ZNF804A: variants seen among roughly 807,000 people sequenced by gnomAD.
ZNF804A encodes zinc finger protein 804A.
Under a neutral mutation model 16.5 loss-of-function variants are expected in ZNF804A, and 2 were observed. The ratio of observed to expected loss-of-function variants is 0.12; its 90% CI spans 0.05 to 0.38. The LOEUF is 0.38. Among genes scored for constraint, ZNF804A ranks in the 10% least tolerant of loss-of-function variants. ZNF804A has a pLI of 0.99. For missense variants in ZNF804A, 1,473 were observed against 1,390.7 expected (o/e 1.06, Z -0.94); for synonymous variants, 534 against 489.6 (o/e 1.09, Z -1.20).
At chr2:184,719,776 C>G (rs955879784) in intron 1 of ZNF804A, among the ~76,000 whole-genome samples, 2 of 152,144 alleles carry the variant, frequency 1.3e-5, no homozygotes, top group African/African-American at 4.8e-5. Context: ...GCACTTTGGT[C>G]AAAGCCATTG....
chr2:184,921,288 C>A (rs1346369833), intron 2 of ZNF804A, among the ~76,000 whole-genome samples: 5 of 152,050 alleles, frequency 3.3e-5, no homozygotes, highest in Admixed American at 3.3e-4. Flanking sequence ...AAGTATTTGG[C>A]CAGGTCTCAA....
intron 1 of ZNF804A, among the ~76,000 whole-genome samples, chr2:184,629,918 G>A (rs1209315719): frequency 6.6e-6 from 1 of 152,094 alleles, no homozygotes; most frequent in Non-Finnish European, 1.5e-5. Flanking sequence ...TTAGAGGCTT[G>A]CAAGGTGAAA....
At position 184,936,183 on chromosome 2, in the gene ZNF804A, T is replaced by C; in HGVS notation, c.787T>C (p.Ser263Pro). ...CAGTGCTTGTCATCTTCAACAATCT[T>C]CACCAACAGATGTGCTTTTGAGTTC... ...VPSACHLQQSSPTDVLLSSEE... is the reference protein window; with the variant it reads ...VPSACHLQQSPPTDVLLSSEE... The change falls in exon 4 of 4, where the codon TCA (serine) becomes CCA (proline). Residue 263 changes from serine to proline, a missense_variant. Ser to Pro is a moderately conservative substitution (Grantham distance 74). Coordinates refer to ENST00000302277, the MANE Select transcript of ZNF804A (RefSeq NM_194250.2). 1.2e-6 allele frequency: 2 copies of C among 1,614,056 alleles called. No homozygotes were observed. Among genetic ancestry groups the C allele is most frequent in the Non-Finnish European group, 1.7e-6 (2 of 1,179,948 alleles).
intron 1 of ZNF804A, among the ~76,000 whole-genome samples, chr2:184,745,602 A>G (rs962462966): frequency 2.6e-5 from 4 of 151,666 alleles, no homozygotes; most frequent in Admixed American, 1.3e-4. Flanking sequence ...ATGTTCTTCA[A>G]TCAAATGTAC....
chr2:184,789,500 A>C (rs1053872301), intron 1 of ZNF804A, among the ~76,000 whole-genome samples: 1 of 151,618 alleles, frequency 6.6e-6, no homozygotes, highest in Non-Finnish European at 1.5e-5. Flanking sequence ...TTTAGGACTC[A>C]TTCAATTTCA....
At chr2:184,744,542 C>T (rs1693758935) in intron 1 of ZNF804A, among the ~76,000 whole-genome samples, 1 of 151,834 alleles carries the variant, frequency 6.6e-6, no homozygotes, top group African/African-American at 2.4e-5. Flanking sequence ...AAAGCAGGCC[C>T]TCACCAAAGT....
At chr2:184,722,132 A>G (rs913694694) in intron 1 of ZNF804A, among the ~76,000 whole-genome samples, 3 of 151,966 alleles carry the variant, frequency 2.0e-5, no homozygotes, top group Non-Finnish European at 4.4e-5. Flanking sequence ...AAGAAACATC[A>G]TTTTGACGTA....
intron 1 of ZNF804A, among the ~76,000 whole-genome samples, chr2:184,745,925 G>T (rs947649059): frequency 1.3e-5 from 2 of 151,532 alleles, no homozygotes; most frequent in African/African-American, 4.8e-5. Context: ...TAAAGTATAT[G>T]CTGGTATTTT....
chr2:184,841,043 T>C (rs1388251012), intron 1 of ZNF804A, among the ~76,000 whole-genome samples: 2 of 152,192 alleles, frequency 1.3e-5, no homozygotes, highest in Non-Finnish European at 2.9e-5. Flanking sequence ...CTTTGCCTCA[T>C]GATTTTCTCT....
chr2:184,664,918 C>T (rs1375772281), intron 1 of ZNF804A, among the ~76,000 whole-genome samples: 1 of 152,108 alleles, frequency 6.6e-6, no homozygotes, highest in Non-Finnish European at 1.5e-5. Context: ...AATGGAAATA[C>T]TTTAGAACTA....
rs201591687 is a variant in ZNF804A at position 184,832,683 on chromosome 2, CA to C, written c.112-33683del. Among the ~76,000 whole-genome samples, 514 of 151,632 alleles carry C rather than the reference CA, an allele frequency of 3.4e-3. 2 individuals are homozygous for C. Among genetic ancestry groups the C allele is most frequent in the African/African-American group, 0.012 (485 of 41,424 alleles). On this transcript the variant is annotated intron_variant, in intron 1 of 3. Transcript: ENST00000302277. Reference sequence around the variant, plus strand: ...AATTTCCACTATCTTTTTCATCCCCCAAATAGACATCTATTGTAAATTGCTT... The same window carrying C: ...AATTTCCACTATCTTTTTCATCCCCCAATAGACATCTATTGTAAATTGCTT...
chr2:184,612,898 AAAT>A (rs1003065917), intron 1 of ZNF804A, among the ~76,000 whole-genome samples: 3 of 152,218 alleles, frequency 2.0e-5, no homozygotes, highest in Non-Finnish European at 4.4e-5. Context: ...TTAATTAAGT[AAAT>A]AATAATAATA....
At chr2:184,673,708 T>C (rs1221456890) in intron 1 of ZNF804A, among the ~76,000 whole-genome samples, 3 of 152,236 alleles carry the variant, frequency 2.0e-5, no homozygotes, top group Non-Finnish European at 4.4e-5. Context: ...TATTGCTTTA[T>C]GTTTTACTAC....
Position 184,605,439 on chromosome 2 carries a change from G to A in ZNF804A, c.111+6369G>A, listed in dbSNP as rs73041388. Among the ~76,000 whole-genome samples the A allele has an allele frequency of 3.9e-3, 592 of 152,022 alleles. 7 individuals are homozygous for A. Among genetic ancestry groups the A allele is most frequent in the African/African-American group, 0.014 (570 of 41,456 alleles). On this transcript the variant is annotated intron_variant, in intron 1 of 3. Transcript: ENST00000302277. ...TGAGAAAATGTTACAATACATAGTA[G>A]GACCTTCATATCCATGGGTTCTCAT...
At chr2:184,792,084 C>A (rs796409907) in intron 1 of ZNF804A, among the ~76,000 whole-genome samples, 5 of 152,274 alleles carry the variant, frequency 3.3e-5, no homozygotes, top group African/African-American at 1.2e-4. Context: ...GAAGGATATA[C>A]TTCCAAGTTT....
chr2:184,923,449 G>A (rs1203700155), intron 2 of ZNF804A, among the ~76,000 whole-genome samples: 1 of 151,656 alleles, frequency 6.6e-6, no homozygotes, highest in Non-Finnish European at 1.5e-5. Flanking sequence ...CTTTTTGGTG[G>A]CATCTTTAGT....
intron 1 of ZNF804A, among the ~76,000 whole-genome samples, chr2:184,673,333 G>A (rs1692368234): frequency 1.3e-5 from 2 of 152,140 alleles, no homozygotes; most frequent in Admixed American, 6.5e-5. Flanking sequence ...TCAATGTTTG[G>A]AACCTCCATA....
chr2:184,680,222 G>A (rs955732941), intron 1 of ZNF804A, among the ~76,000 whole-genome samples: 1 of 151,926 alleles, frequency 6.6e-6, no homozygotes, highest in Admixed American at 6.6e-5. Context: ...CAGATGGGAT[G>A]ACCTACCTGC....
chr2:184,937,376 C>T lies in ZNF804A; in HGVS notation c.1980C>T (p.Pro660=). ...LDSHQLLDKR[P]KSESISLSDN... is the part of the protein sequence containing the mutation. ...CACATCAGTTACTTGATAAAAGGCC[C>T]AAATCAGAATCCATATCCTTAAGTG... Residue 660 remains proline (P), a synonymous_variant, in exon 4 of 4, where the codon CCC becomes CCT. Coordinates refer to ENST00000302277, the MANE Select transcript of ZNF804A (RefSeq NM_194250.2). 6.2e-7 allele frequency: 1 copy of T among 1,613,472 alleles called. No individual in the cohort carries two copies. The highest frequency in any genetic ancestry group is 1.1e-5 in the South Asian group (1 of 91,036).
Sources: gnomAD v4.1 joint callset for allele counts (sites outside exome capture counted in the v4.1 genomes callset) on GRCh38, gnomAD v4.1.1 for gene constraint, MANE v1.5 for transcripts, NCBI Gene and HGNC (gene_info 2026-07-23, HGNC 2026-07-21) for gene names.